Variants in SHISA9 observed in about 807,000 individuals in gnomAD.
SHISA9 encodes shisa family member 9.
A neutral mutation model predicts 38.0 loss-of-function variants in SHISA9; 13 were observed. The observed-to-expected ratio is 0.34, with a 90% CI of 0.22 to 0.54. SHISA9 has a LOEUF of 0.54. Among genes scored for constraint, SHISA9 ranks in the 20% least tolerant of loss-of-function variants. The probability of loss-of-function intolerance (pLI) is 0.91; values close to 1 mark genes in which losing one functional copy is unlikely to be tolerated. For missense variants in SHISA9, 538 were observed against 575.8 expected, an observed-to-expected ratio of 0.93 and a Z score of 0.67; for synonymous variants, 275 against 242.0, an observed-to-expected ratio of 1.14 and a Z score of -1.27.
the SHISA9 span, among the ~76,000 whole-genome samples, chr16:13,454,663 T>A: frequency 6.6e-6 from 1 of 152,196 alleles, no homozygotes; most frequent in Admixed American, 6.5e-5. Flanking sequence ...TCACCTGGCC[T>A]CTACAAAAGA....
At chr16:13,556,619 C>T in the SHISA9 span, among the ~76,000 whole-genome samples, 337 of 151,884 alleles carry the variant, frequency 2.2e-3, 1 homozygote, top group East Asian at 8.3e-3. Flanking sequence ...GCCTAGATCG[C>T]GCCATTGCAC....
chr16:13,149,511 G>A (rs2050478218), intron 2 of SHISA9, among the ~76,000 whole-genome samples: 1 of 152,112 alleles, frequency 6.6e-6, no homozygotes, highest in South Asian at 2.1e-4. Flanking sequence ...GTTGCATCAG[G>A]TCAATTTCTG....
chr16:13,070,272 C>T (rs971545639), intron 2 of SHISA9, among the ~76,000 whole-genome samples: 1 of 152,156 alleles, frequency 6.6e-6, no homozygotes, highest in Non-Finnish European at 1.5e-5. Context: ...CCCCCGGACT[C>T]TGCCTCCATC....
intron 2 of SHISA9, among the ~76,000 whole-genome samples, chr16:12,977,566 CAA>C (rs932879328): frequency 6.6e-6 from 1 of 152,118 alleles, no homozygotes; most frequent in African/African-American, 2.4e-5. Context: ...GGAATCAACC[CAA>C]ATGCCCATCC....
At chr16:12,908,374 G>C (rs945052775) in intron 1 of SHISA9, 6 of 1,501,696 alleles carry the variant, frequency 4.0e-6, no homozygotes, top group African/African-American at 1.4e-5. Context: ...ACATTGCAAA[G>C]TGTTGGCCTA....
At chr16:13,081,374 G>A (rs1353842204) in intron 2 of SHISA9, among the ~76,000 whole-genome samples, 1 of 152,152 alleles carries the variant, frequency 6.6e-6, no homozygotes, top group African/African-American at 2.4e-5. Context: ...TCTTTATCAT[G>A]GATGTAAAAG....
chr16:13,182,150 C>T (rs1302565673), intron 2 of SHISA9, among the ~76,000 whole-genome samples: 2 of 152,170 alleles, frequency 1.3e-5, no homozygotes, highest in Non-Finnish European at 2.9e-5. Context: ...ACCTAAGTTG[C>T]CATAGTATCT....
intron 2 of SHISA9, among the ~76,000 whole-genome samples, chr16:13,032,329 C>T (rs917492283): frequency 2.0e-5 from 3 of 152,118 alleles, no homozygotes; most frequent in African/African-American, 4.8e-5. Context: ...CCAGCATCAT[C>T]CATGTCCCTG....
the SHISA9 span, among the ~76,000 whole-genome samples, chr16:13,320,318 A>AAAAAAAG: frequency 6.6e-6 from 1 of 150,432 alleles, no homozygotes; most frequent in Non-Finnish European, 1.5e-5. Flanking sequence ...AAAAAAAAAA[A>AAAAAAAG]AAGTAGGCAA....
chr16:13,348,225 G>A, the SHISA9 span, among the ~76,000 whole-genome samples: 1 of 151,842 alleles, frequency 6.6e-6, no homozygotes, highest in African/African-American at 2.4e-5. Flanking sequence ...TTTGATTTTT[G>A]AATATTTGCA....
chr16:12,902,826 G>GC, intron 1 of SHISA9, 199 bp downstream of exon 1: 2 of 609,006 alleles, frequency 3.3e-6, no homozygotes, highest in Non-Finnish European at 2.9e-6. Context: ...GTGTGGGTCT[G>GC]AGCGTGTTCG....
the SHISA9 span, among the ~76,000 whole-genome samples, chr16:13,371,721 G>C: frequency 6.6e-6 from 1 of 152,230 alleles, no homozygotes; most frequent in Non-Finnish European, 1.5e-5. Context: ...CTCAACATCT[G>C]TATGCTAAGA....
At chr16:13,099,858 G>A (rs568346556) in intron 2 of SHISA9, among the ~76,000 whole-genome samples, 12 of 152,294 alleles carry the variant, frequency 7.9e-5, no homozygotes, top group African/African-American at 2.9e-4. Flanking sequence ...AATCCCAGGG[G>A]CCTCCAGGGG....
At chr16:13,458,408 G>C in the SHISA9 span, 2 of 393,460 alleles carry the variant, frequency 5.1e-6, no homozygotes, top group South Asian at 4.1e-5. Context: ...GTAACGATGG[G>C]AGCAGGGTCA....
the SHISA9 span, among the ~76,000 whole-genome samples, chr16:13,261,719 C>A: frequency 6.6e-6 from 1 of 152,156 alleles, no homozygotes. Flanking sequence ...CTACCAAATG[C>A]CATGTGCTGA....
intron 2 of SHISA9, among the ~76,000 whole-genome samples, chr16:13,105,515 A>C (rs2073917534): frequency 6.6e-6 from 1 of 152,200 alleles, no homozygotes. Flanking sequence ...GAGGATGGGT[A>C]GGATGTCCCC....
the SHISA9 span, among the ~76,000 whole-genome samples, chr16:13,399,067 A>C: frequency 6.6e-6 from 1 of 152,054 alleles, no homozygotes. Context: ...CCAGCCTGGC[A>C]ATATCTTGAA....
chr16:13,345,338 T>A, the SHISA9 span, among the ~76,000 whole-genome samples: 1 of 152,168 alleles, frequency 6.6e-6, no homozygotes, highest in Non-Finnish European at 1.5e-5. Context: ...CTCCCACTTG[T>A]AAGTGAGAAC....
chr16:13,539,326 G>GTATATATATATAT, the SHISA9 span, among the ~76,000 whole-genome samples: 10 of 33,840 alleles, frequency 3.0e-4, no homozygotes, highest in Non-Finnish European at 4.4e-4. Context: ...ATAAAGACAG[G>GTATATATATATAT]ATCTTTATAT....
Sources: allele counts gnomAD v4.1 joint callset (sites outside exome capture counted in the v4.1 genomes callset), GRCh38; gene constraint gnomAD v4.1.1; transcripts MANE v1.5; gene names NCBI Gene and HGNC (gene_info 2026-07-23, HGNC 2026-07-21).